The following CPXM2 variants were observed in gnomAD, a reference collection of about 807,000 sequenced individuals.
CPXM2 encodes carboxypeptidase X, M14 family member 2.
In CPXM2, 66 loss-of-function variants were observed where a neutral mutation model predicts 86.1. The observed-to-expected ratio is 0.77, with a 90% confidence interval of 0.63 to 0.94. The LOEUF is 0.94. Among genes scored for constraint, CPXM2 ranks in the 40% least tolerant of loss-of-function variants. CPXM2 has a pLI of 0.00. For missense variants in CPXM2, 948 were observed against 1,026.3 expected, an observed-to-expected ratio of 0.92 and a Z score of 1.04; for synonymous variants, 388 against 400.2, an observed-to-expected ratio of 0.97 and a Z score of 0.36.
chr10:123,767,223 C>A, intron 9 of CPXM2, 71 bp from the exon 10 acceptor site: 2 of 1,376,720 alleles, frequency 1.5e-6, no homozygotes, highest in South Asian at 2.4e-5. Context: ...ATACAAGATG[C>A]ATCTGTCTCC....
intron 4 of CPXM2, among the ~76,000 whole-genome samples, chr10:123,814,049 T>C (rs981828848): frequency 6.6e-6 from 1 of 152,218 alleles, no homozygotes; most frequent in African/African-American, 2.4e-5. Flanking sequence ...CATTCTTTTC[T>C]GGGATTTTGG....
intron 6 of CPXM2, among the ~76,000 whole-genome samples, chr10:123,783,490 C>G (rs374002746): frequency 2.0e-5 from 3 of 152,166 alleles, no homozygotes; most frequent in Non-Finnish European, 4.4e-5. Context: ...CAAGCCAGGC[C>G]GATCAGATGA....
chr10:123,910,026 C>T (rs369871077), intron 2 of CPXM2, among the ~76,000 whole-genome samples: 8 of 152,298 alleles, frequency 5.3e-5, no homozygotes, highest in South Asian at 2.1e-4. Flanking sequence ...AGCCAGGCAG[C>T]GCCCGAACCC....
intron 2 of CPXM2, among the ~76,000 whole-genome samples, chr10:123,868,864 C>A (rs1215185863): frequency 6.6e-6 from 1 of 152,106 alleles, no homozygotes; most frequent in Non-Finnish European, 1.5e-5. Flanking sequence ...AGCCAAAGAA[C>A]TCCAAAAGCA....
chr10:123,913,929 A>C (rs566817663), intron 2 of CPXM2: 2 of 456,000 alleles, frequency 4.4e-6, no homozygotes, highest in African/African-American at 4.0e-5. Context: ...TATGCAATAC[A>C]TAATTCCCAG....
At chr10:123,854,077 C>T (rs1047342212) in intron 3 of CPXM2, among the ~76,000 whole-genome samples, 2 of 151,626 alleles carry the variant, frequency 1.3e-5, no homozygotes, top group African/African-American at 4.9e-5. Flanking sequence ...AACCATGCAC[C>T]TCCAGGAGAC....
chr10:123,850,543 C>T (rs557516758), intron 3 of CPXM2, among the ~76,000 whole-genome samples: 5 of 152,310 alleles, frequency 3.3e-5, no homozygotes, highest in South Asian at 2.1e-4. Flanking sequence ...CTACTTTAGC[C>T]GCCCAGTAGT....
At chr10:123,805,758 A>C (rs1041904819) in intron 4 of CPXM2, among the ~76,000 whole-genome samples, 1 of 152,212 alleles carries the variant, frequency 6.6e-6, no homozygotes, top group Non-Finnish European at 1.5e-5. Context: ...AAAAAATCAC[A>C]AAATAATCAG....
At chr10:123,868,408 C>A (rs754061957) in intron 2 of CPXM2, among the ~76,000 whole-genome samples, 1 of 152,302 alleles carries the variant, frequency 6.6e-6, no homozygotes, top group East Asian at 1.9e-4. Context: ...AGGAAACCTC[C>A]ATGTCTTCAA....
chr10:123,760,154 C>T (rs1025484564), intron 11 of CPXM2, among the ~76,000 whole-genome samples: 20 of 152,158 alleles, frequency 1.3e-4, no homozygotes, highest in East Asian at 3.9e-4. Context: ...AAATCAAACG[C>T]TACCTATGTG....
At chr10:123,751,345 A>G (rs963178566) in intron 13 of CPXM2, 1 of 223,398 alleles carries the variant, frequency 4.5e-6, no homozygotes, top group Non-Finnish European at 7.5e-6. Context: ...ATCTGGAGAC[A>G]TAAGTAAACA....
intron 7 of CPXM2, among the ~76,000 whole-genome samples, chr10:123,778,595 T>C (rs1846858948): frequency 6.6e-6 from 1 of 152,228 alleles, no homozygotes; most frequent in African/African-American, 2.4e-5. Context: ...CAAGTCTCCA[T>C]GCATGACAAC....
chr10:123,878,290 T>C (rs1263853293), intron 2 of CPXM2, among the ~76,000 whole-genome samples: 32 of 136,084 alleles, frequency 2.4e-4, no homozygotes, highest in South Asian at 1.2e-3. Flanking sequence ...CCCCCTTTTT[T>C]TCTCTCTTTT....
intron 3 of CPXM2, among the ~76,000 whole-genome samples, chr10:123,852,773 T>C (rs1398803695): frequency 6.6e-6 from 1 of 152,074 alleles, no homozygotes; most frequent in African/African-American, 2.4e-5. Flanking sequence ...CCCAGAATGC[T>C]CTTCTCATAC....
rs1200313242 is a variant in CPXM2, at chr10:123,880,234, A to T, written c.380T>A (p.Val127Glu). The change falls in exon 2 of 14, where the codon GTG becomes GAG. Residue 127 changes from valine to glutamate, a missense_variant. Transcript: ENST00000241305. ...KAANDDHSVR[V>E]AREDVRESCP... ...ACTCTCTCTGACATCTTCACGGGCC[A>T]CACGGACACTGTGATCATCGTTGGC... 6.6e-7 allele frequency: 1 copy of T among 1,517,332 alleles called. No homozygotes were observed. Among genetic ancestry groups the T allele is most frequent in the South Asian group, 1.1e-5 (1 of 89,444 alleles). The allele number at this position is 1,517,332 out of a possible 1,614,324, so 94.0% of individuals were successfully genotyped here.
intron 4 of CPXM2, among the ~76,000 whole-genome samples, chr10:123,818,488 G>A (rs139237424): frequency 7.9e-5 from 12 of 152,272 alleles, no homozygotes; most frequent in East Asian, 5.8e-4. Context: ...GCAGAGGTTC[G>A]TCCTCACTGG....
At chr10:123,888,268 C>G (rs534330730) in intron 1 of CPXM2, among the ~76,000 whole-genome samples, 2 of 152,312 alleles carry the variant, frequency 1.3e-5, no homozygotes, top group African/African-American at 4.8e-5. Flanking sequence ...AAAACAAGAG[C>G]TATCTGGGAA....
In CPXM2 at chr10:123,891,051, A is replaced by G. The variant is rs1484649043; in HGVS notation, c.304+305T>C. Among the ~76,000 whole-genome samples, 1 of 152,252 alleles carries G rather than the reference A, an allele frequency of 6.6e-6. No individual in the cohort carries two copies. Among genetic ancestry groups the G allele is most frequent in the African/African-American group, 2.4e-5 (1 of 41,476 alleles). On this transcript the variant is annotated intron_variant, in intron 1 of 13. Coordinates refer to ENST00000241305, the MANE Select transcript of CPXM2 (RefSeq NM_198148.3). The surrounding 1 kb of genome is among the most constrained non-coding windows in gnomAD (Gnocchi z 5.6). The stretch of plus-strand genomic sequence containing the variant: ...CATCCAGCAGAAAGACCCTTAGCTC[A>G]GGGGATTTCAAGCTTGAAACAAGAA...
intron 4 of CPXM2, among the ~76,000 whole-genome samples, chr10:123,832,110 T>A (rs1848179742): frequency 1.3e-5 from 2 of 152,212 alleles, no homozygotes; most frequent in Admixed American, 6.5e-5. Flanking sequence ...GATGAATATA[T>A]TAACATTACA....
Sources: gnomAD v4.1 joint callset for allele counts (sites outside exome capture counted in the v4.1 genomes callset) on GRCh38, gnomAD v4.1.1 for gene constraint, Gnocchi (gnomAD v3.1) non-coding constraint, MANE v1.5 for transcripts, NCBI Gene and HGNC (gene_info 2026-07-23, HGNC 2026-07-21) for gene names.